EXOC4: variants seen among roughly 807,000 people sequenced by gnomAD.
EXOC4 encodes SEC8-like 1.
Under a neutral mutation model 107.2 loss-of-function variants are expected in EXOC4, and 71 were observed. That is an observed-to-expected ratio of 0.66 (90% CI 0.55 to 0.81). The LOEUF (loss-of-function observed/expected upper bound fraction) is 0.81. Among genes scored for constraint, EXOC4 ranks in the 30% least tolerant of loss-of-function variants. EXOC4 has a pLI of 0.00. For missense variants in EXOC4, 1,108 were observed against 1,189.6 expected (o/e 0.93, Z 1.01); for synonymous variants, 456 against 441.2 (o/e 1.03, Z -0.42).
At chr7:133,925,495 C>T (rs1165699841) in intron 13 of EXOC4, among the ~76,000 whole-genome samples, 1 of 152,086 alleles carries the variant, frequency 6.6e-6, no homozygotes, top group African/African-American at 2.4e-5. Context: ...ATGTAATTAA[C>T]AGAAGGGATA....
At chr7:133,801,154 C>A (rs752143207) in intron 10 of EXOC4, among the ~76,000 whole-genome samples, 1 of 152,096 alleles carries the variant, frequency 6.6e-6, no homozygotes, top group Non-Finnish European at 1.5e-5. Context: ...TATATATTAT[C>A]GGGAAACGAG....
At chr7:133,441,357 G>A (rs1454972953) in intron 7 of EXOC4, among the ~76,000 whole-genome samples, 2 of 152,102 alleles carry the variant, frequency 1.3e-5, no homozygotes, top group African/African-American at 2.4e-5. Flanking sequence ...AAGATTTTCA[G>A]TTGCATATTT....
At chr7:134,089,194 A>G in the EXOC4 span, among the ~76,000 whole-genome samples, 1 of 152,186 alleles carries the variant, frequency 6.6e-6, no homozygotes, top group East Asian at 1.9e-4. Flanking sequence ...CTCTTTCACA[A>G]TTAATTTTTC....
intron 9 of EXOC4, among the ~76,000 whole-genome samples, chr7:133,555,686 C>A (rs1209214642): frequency 6.6e-6 from 1 of 152,156 alleles, no homozygotes; most frequent in South Asian, 2.1e-4. Flanking sequence ...GCTATTATAA[C>A]ATATGCTCGA....
chr7:133,931,512 A>C (rs1047854961), intron 13 of EXOC4, among the ~76,000 whole-genome samples: 2 of 152,226 alleles, frequency 1.3e-5, no homozygotes, highest in East Asian at 3.8e-4. Context: ...TATAGAATAT[A>C]TTGTTAATAA....
intron 10 of EXOC4, among the ~76,000 whole-genome samples, chr7:133,652,371 A>G (rs1379287784): frequency 1.3e-5 from 2 of 152,162 alleles, no homozygotes; most frequent in Non-Finnish European, 2.9e-5. Flanking sequence ...TTAAAGAAAT[A>G]TAAGCTATTT....
intron 14 of EXOC4, among the ~76,000 whole-genome samples, chr7:133,941,266 G>C (rs1003034099): frequency 6.6e-6 from 1 of 151,908 alleles, no homozygotes; most frequent in Admixed American, 6.6e-5. Flanking sequence ...CAAAGTGCTG[G>C]GATTACAGGC....
chr7:133,959,855 A>C (rs532683304), intron 14 of EXOC4, among the ~76,000 whole-genome samples: 13 of 152,232 alleles, frequency 8.5e-5, no homozygotes, highest in Non-Finnish European at 1.6e-4. Context: ...AGAATTGTTT[A>C]TCTAACCACA....
At chr7:133,346,453 A>G (rs1318937393) in intron 5 of EXOC4, among the ~76,000 whole-genome samples, 1 of 152,170 alleles carries the variant, frequency 6.6e-6, no homozygotes, top group Non-Finnish European at 1.5e-5. Context: ...TTCTTAATTT[A>G]CATTTTTAAA....
At chr7:133,452,390 G>A (rs1184609798) in intron 7 of EXOC4, among the ~76,000 whole-genome samples, 1 of 151,814 alleles carries the variant, frequency 6.6e-6, no homozygotes, top group Non-Finnish European at 1.5e-5. Context: ...GTGTACCTTA[G>A]AATCTGAGAA....
At chr7:133,575,131 T>C (rs1197134934) in intron 9 of EXOC4, among the ~76,000 whole-genome samples, 1 of 152,308 alleles carries the variant, frequency 6.6e-6, no homozygotes, top group East Asian at 1.9e-4. Flanking sequence ...TCATTTTTTC[T>C]CGTCATTTCC....
intron 5 of EXOC4, among the ~76,000 whole-genome samples, chr7:133,352,984 A>G (rs1325338329): frequency 2.0e-5 from 3 of 152,074 alleles, no homozygotes; most frequent in Admixed American, 6.6e-5. Context: ...ATCTTTATAC[A>G]TTGTGTGCTC....
At chr7:133,512,758 G>A (rs1799795795) in intron 9 of EXOC4, among the ~76,000 whole-genome samples, 1 of 152,150 alleles carries the variant, frequency 6.6e-6, no homozygotes, top group Non-Finnish European at 1.5e-5. Context: ...TTTTTGGCAA[G>A]TTACTCCTTC....
chr7:133,479,834 A>G (rs1254038623), intron 8 of EXOC4: 6 of 547,604 alleles, frequency 1.1e-5, no homozygotes, highest in African/African-American at 1.9e-5. Flanking sequence ...AAAAGATCCA[A>G]ATACGGTTGT....
intron 11 of EXOC4, among the ~76,000 whole-genome samples, chr7:133,859,210 G>A (rs1416295318): frequency 6.6e-6 from 1 of 152,142 alleles, no homozygotes; most frequent in African/African-American, 2.4e-5. Context: ...GAGGTGGCAA[G>A]ACAGAACATC....
Position 134,064,358 on chromosome 7 carries a change from A to C in EXOC4, c.2755A>C (p.Lys919Gln). ...LLNLVVDQGV[K>Q]YTELEYIHAL... ...GAACCTGGTGGTGGACCAGGGTGTG[A>C]AGTACACGGAGCTGGAGTACATCCA... Residue 919 changes from lysine (K) to glutamine (Q), a missense_variant, in exon 18 of 18, where the codon AAG becomes CAG. Coordinates refer to ENST00000253861, the MANE Select transcript of EXOC4 (RefSeq NM_021807.4). The C allele has an allele frequency of 1.3e-6, 2 of 1,545,212 alleles. No homozygotes were observed. The highest frequency in any genetic ancestry group is 1.7e-4 in the Middle Eastern group (1 of 5,772).
At chr7:134,081,559 C>G in the EXOC4 span, among the ~76,000 whole-genome samples, 3 of 152,128 alleles carry the variant, frequency 2.0e-5, no homozygotes, top group Non-Finnish European at 4.4e-5. Flanking sequence ...AGCCCCGATA[C>G]TTAGAACAAT....
At chr7:133,771,538 G>T (rs1167812619) in intron 10 of EXOC4, 8 of 151,792 alleles carry the variant, frequency 5.3e-5, no homozygotes, top group Admixed American at 3.9e-4. Flanking sequence ...AAGGAGAAAA[G>T]GATTAAATTC....
intron 7 of EXOC4, among the ~76,000 whole-genome samples, chr7:133,390,210 G>A (rs371306876): frequency 6.6e-5 from 10 of 152,192 alleles, no homozygotes; most frequent in South Asian, 2.1e-4. Context: ...TCAGAAACTC[G>A]TGAGTGAACT....
Sources: gnomAD v4.1 joint callset for allele counts (sites outside exome capture counted in the v4.1 genomes callset) on GRCh38, gnomAD v4.1.1 for gene constraint, MANE v1.5 for transcripts, NCBI Gene and HGNC (gene_info 2026-07-23, HGNC 2026-07-21) for gene names.